TBC1D5: variants seen among roughly 807,000 people sequenced by gnomAD.
The protein encoded by TBC1D5 is TBC1 domain family, member 5.
A neutral mutation model predicts 100.3 loss-of-function variants in TBC1D5; 75 were observed. The observed-to-expected ratio is 0.75, with a 90% CI of 0.62 to 0.91. The LOEUF (loss-of-function observed/expected upper bound fraction) is 0.91. Ranked by LOEUF, TBC1D5 falls within the 40% of genes least tolerant of loss-of-function variation. The pLI is 0.00. For missense variants in TBC1D5, 910 were observed against 942.4 expected (o/e 0.97, Z 0.45); for synonymous variants, 323 against 325.6 (o/e 0.99, Z 0.09).
intron 2 of TBC1D5, among the ~76,000 whole-genome samples, chr3:17,607,333 T>A (rs940947431): frequency 3.9e-5 from 6 of 152,208 alleles, no homozygotes; most frequent in African/African-American, 7.2e-5. Flanking sequence ...AAATCCTTTT[T>A]AGAGCTTTAT....
chr3:17,527,765 A>G (rs1177167707), intron 2 of TBC1D5, among the ~76,000 whole-genome samples: 1 of 152,236 alleles, frequency 6.6e-6, no homozygotes, highest in East Asian at 1.9e-4. Flanking sequence ...AAACCAAGTA[A>G]CATAAATGGG....
At chr3:17,472,661 A>C (rs2095391348) in intron 3 of TBC1D5, among the ~76,000 whole-genome samples, 1 of 152,246 alleles carries the variant, frequency 6.6e-6, no homozygotes, top group Non-Finnish European at 1.5e-5. Flanking sequence ...AGCAAAGGCT[A>C]TAGTTTTGTT....
chr3:17,354,717 A>T (rs1403274443), intron 13 of TBC1D5, among the ~76,000 whole-genome samples: 1 of 144,546 alleles, frequency 6.9e-6, no homozygotes, highest in African/African-American at 2.5e-5. Context: ...AAAAAGGAGT[A>T]AAAAAAAAAA....
chr3:17,547,870 G>A (rs1312707932), intron 2 of TBC1D5, among the ~76,000 whole-genome samples: 1 of 152,186 alleles, frequency 6.6e-6, no homozygotes, highest in Non-Finnish European at 1.5e-5. Flanking sequence ...AGAATAAGAT[G>A]TAAGGAATTT....
chr3:17,524,597 T>C (rs747115488), intron 2 of TBC1D5: 1 of 152,130 alleles, frequency 6.6e-6, no homozygotes, highest in African/African-American at 2.4e-5. Context: ...GGACAGAAGT[T>C]TATATGTGCA....
intron 15 of TBC1D5, among the ~76,000 whole-genome samples, chr3:17,263,427 T>C (rs1165607985): frequency 6.7e-6 from 1 of 148,206 alleles, no homozygotes; most frequent in Non-Finnish European, 1.5e-5. Flanking sequence ...AAAAGAAAAG[T>C]ACAGAAATCA....
intron 2 of TBC1D5, among the ~76,000 whole-genome samples, chr3:17,621,672 G>A (rs905563439): frequency 6.6e-6 from 1 of 150,908 alleles, no homozygotes; most frequent in African/African-American, 2.4e-5. Flanking sequence ...GTTGTGTCCT[G>A]TCTCTAGCAC....
At chr3:17,711,192 G>T (rs1348077208) in intron 1 of TBC1D5, among the ~76,000 whole-genome samples, 1 of 151,844 alleles carries the variant, frequency 6.6e-6, no homozygotes, top group Non-Finnish European at 1.5e-5. Context: ...AAATACTAAT[G>T]GTTATTTCCA....
chr3:17,233,388 C>A (rs1396283543), intron 17 of TBC1D5, among the ~76,000 whole-genome samples: 1 of 152,072 alleles, frequency 6.6e-6, no homozygotes. Flanking sequence ...TGAGCTGGCA[C>A]ACAAAGTATA....
At chr3:17,364,986 A>G (rs986733643) in intron 13 of TBC1D5, among the ~76,000 whole-genome samples, 10 of 152,310 alleles carry the variant, frequency 6.6e-5, no homozygotes, top group Non-Finnish European at 1.3e-4. Flanking sequence ...GTGATTAGAA[A>G]CATCAATAAT....
At chr3:17,382,722 A>T (rs2092996499) in intron 9 of TBC1D5, among the ~76,000 whole-genome samples, 1 of 151,868 alleles carries the variant, frequency 6.6e-6, no homozygotes, top group African/African-American at 2.4e-5. Flanking sequence ...CACCATGCCC[A>T]GCTAATTTTG....
chr3:17,289,534 T>A (rs9838780), intron 15 of TBC1D5, among the ~76,000 whole-genome samples: 1,763 of 150,958 alleles, frequency 0.012, 34 homozygotes, highest in African/African-American at 0.04. Context: ...CTCAGGAGGG[T>A]GAGGCAGGAG....
intron 2 of TBC1D5, among the ~76,000 whole-genome samples, chr3:17,612,714 T>C (rs1264828908): frequency 6.6e-6 from 1 of 151,952 alleles, no homozygotes; most frequent in African/African-American, 2.4e-5. Flanking sequence ...ATAAAACTAT[T>C]TTCAGATGAC....
intron 15 of TBC1D5, among the ~76,000 whole-genome samples, chr3:17,286,645 AG>A: frequency 6.6e-6 from 1 of 152,370 alleles, no homozygotes; most frequent in Non-Finnish European, 1.5e-5. Flanking sequence ...AGTCTTCATA[AG>A]GCATACATTT....
intron 17 of TBC1D5, among the ~76,000 whole-genome samples, chr3:17,224,605 C>CA (rs948773333): frequency 5.3e-5 from 8 of 152,156 alleles, no homozygotes; most frequent in African/African-American, 1.9e-4. Context: ...AACGAACAGT[C>CA]AAATTTTTCA....
At chr3:17,479,284 T>A (rs1214206413) in intron 3 of TBC1D5, among the ~76,000 whole-genome samples, 1 of 151,962 alleles carries the variant, frequency 6.6e-6, no homozygotes, top group African/African-American at 2.4e-5. Context: ...ATACCTGAAG[T>A]CCCAGCTACT....
intron 13 of TBC1D5, among the ~76,000 whole-genome samples, chr3:17,366,543 T>C (rs989411122): frequency 4.6e-5 from 7 of 152,138 alleles, no homozygotes; most frequent in South Asian, 4.1e-4. Flanking sequence ...CAAGCTATCA[T>C]TGGATCGTCA....
At chr3:17,415,064 T>C (rs1363367722) in intron 4 of TBC1D5, among the ~76,000 whole-genome samples, 1 of 152,198 alleles carries the variant, frequency 6.6e-6, no homozygotes, top group African/African-American at 2.4e-5. Flanking sequence ...TTGAGAAACC[T>C]TGAGCCTTCA....
chr3:17,360,320 TCA>T (rs749096761), intron 13 of TBC1D5, among the ~76,000 whole-genome samples: 2 of 152,036 alleles, frequency 1.3e-5, no homozygotes, highest in Non-Finnish European at 2.9e-5. Flanking sequence ...CACTGTAAAG[TCA>T]CAGTTTTATC....
Sources: allele counts gnomAD v4.1 joint callset (sites outside exome capture counted in the v4.1 genomes callset), GRCh38; gene constraint gnomAD v4.1.1; transcripts MANE v1.5; gene names NCBI Gene and HGNC (gene_info 2026-07-23, HGNC 2026-07-21).